NFASC: variants seen among roughly 807,000 people sequenced by gnomAD.
NFASC encodes the protein neurofascin.
NFASC carries 43 observed loss-of-function variants against 147.5 expected under a neutral mutation model. The observed-to-expected ratio is 0.29, with a 90% confidence interval of 0.23 to 0.38. The LOEUF (loss-of-function observed/expected upper bound fraction) is 0.38, where lower values mean the gene tolerates loss of function less well. Ranked by LOEUF, NFASC falls within the 10% of genes least tolerant of loss-of-function variation. The pLI is 1.00. For missense variants in NFASC, 1,320 were observed against 1,689.0 expected (o/e 0.78, Z 3.83); for synonymous variants, 622 against 665.5 (o/e 0.93, Z 1.01).
intron 23 of NFASC, among the ~76,000 whole-genome samples, 156 bp from the exon 24 acceptor site, chr1:204,991,136 G>C (rs1292191985): frequency 2.0e-5 from 3 of 152,254 alleles, no homozygotes; most frequent in Non-Finnish European, 4.4e-5. Flanking sequence ...GCATCCTCAG[G>C]CCAGCAGCCA....
intron 1 of NFASC, among the ~76,000 whole-genome samples, chr1:204,870,341 G>A (rs2102988116): frequency 6.6e-6 from 1 of 152,336 alleles, no homozygotes; most frequent in African/African-American, 2.4e-5. Context: ...CTGTGCGGGA[G>A]CCATTGTCCT....
intron 27 of NFASC, 110 bp downstream of exon 27, chr1:205,002,858 A>C: frequency 1.2e-6 from 1 of 828,774 alleles, no homozygotes; most frequent in South Asian, 3.6e-5. Context: ...CCCCCACCCC[A>C]TTTCCCACCT....
intron 20 of NFASC, 145 bp downstream of exon 20, chr1:204,980,585 C>T: frequency 1.5e-6 from 1 of 645,674 alleles, no homozygotes; most frequent in Non-Finnish European, 2.7e-6. Flanking sequence ...CTTTGAGAAA[C>T]CAAGCTCCTC....
At chr1:204,874,883 G>A (rs2078448526) in intron 1 of NFASC, among the ~76,000 whole-genome samples, 1 of 152,166 alleles carries the variant, frequency 6.6e-6, no homozygotes, top group Non-Finnish European at 1.5e-5. Flanking sequence ...GTGGGGGCAG[G>A]TGGCATCATA....
At chr1:204,964,326 G>T (rs2094835073) in intron 8 of NFASC, among the ~76,000 whole-genome samples, 1 of 152,240 alleles carries the variant, frequency 6.6e-6, no homozygotes, top group Admixed American at 6.5e-5. Flanking sequence ...GGTTTTAAAG[G>T]GAATGGTTTA....
At chr1:205,009,317 G>C in intron 27 of NFASC, 1 of 651,758 alleles carries the variant, frequency 1.5e-6, no homozygotes, top group Non-Finnish European at 2.8e-6. Flanking sequence ...TCAACCTTCT[G>C]CTTATTTGCT....
At position 204,970,596 on chromosome 1, in the gene NFASC, G is replaced by C; in HGVS notation, c.1004-20G>C. On this transcript the variant is annotated intron_variant, in intron 10 of 29. Transcript: ENST00000339876. Reference sequence around the variant, plus strand: ...CCCATGCCATCTAACTCCCCTGCCTGTGTCTGTCTTGTCTTCCAGCTGCTC... The same window carrying C: ...CCCATGCCATCTAACTCCCCTGCCTCTGTCTGTCTTGTCTTCCAGCTGCTC... 2 of 1,613,362 alleles carry C rather than the reference G, an allele frequency of 1.2e-6. No individual in the cohort carries two copies. The highest frequency in any genetic ancestry group is 1.7e-6 in the Non-Finnish European group (2 of 1,179,998).
intron 1 of NFASC, among the ~76,000 whole-genome samples, chr1:204,880,311 C>T (rs753847326): frequency 1.3e-5 from 2 of 152,002 alleles, no homozygotes; most frequent in African/African-American, 2.4e-5. Context: ...TAGCAATTGG[C>T]ATTTTAATGT....
chr1:205,009,695 T>C lies in NFASC; in HGVS notation c.3421+7T>C. On this transcript the variant is annotated splice_region_variant and intron_variant, in intron 28 of 29. Coordinates refer to ENST00000339876, the MANE Select transcript of NFASC (RefSeq NM_001005388.3). ...CGCGGCGGCAAGTACCCAGGTGAGATGTGCAAGAGGCGTGGGCTTGCAGGG... is the reference window on the plus strand; with the variant it reads ...CGCGGCGGCAAGTACCCAGGTGAGACGTGCAAGAGGCGTGGGCTTGCAGGG... 2 of 1,613,528 alleles carry C rather than the reference T, an allele frequency of 1.2e-6. No homozygotes were observed. Among genetic ancestry groups the C allele is most frequent in the Non-Finnish European group, 1.7e-6 (2 of 1,179,780 alleles).
At chr1:204,977,192 T>C in intron 16 of NFASC, 1 of 923,522 alleles carries the variant, frequency 1.1e-6, no homozygotes. Flanking sequence ...CCAGCCTTCC[T>C]TTCCCTCCCG....
chr1:204,863,888 A>G (rs1006914406), intron 1 of NFASC, among the ~76,000 whole-genome samples: 15 of 150,994 alleles, frequency 9.9e-5, no homozygotes, highest in African/African-American at 3.2e-4. Context: ...AAAGAAAAGG[A>G]AGGAAGGAAG....
intron 2 of NFASC, among the ~76,000 whole-genome samples, chr1:204,932,241 T>C (rs2092426715): frequency 6.6e-6 from 1 of 152,226 alleles, no homozygotes; most frequent in African/African-American, 2.4e-5. Context: ...AACAGCTTTA[T>C]GTTCCTGTGC....
rs1416703854 is a variant in NFASC, at chr1:204,877,024, ATATAATATATATT to A, written c.-199-43603_-199-43591del. Among the ~76,000 whole-genome samples, 249 of 99,660 alleles carry A rather than the reference ATATAATATATATT, an allele frequency of 2.5e-3. 4 individuals are homozygous for A. Among genetic ancestry groups the A allele is most frequent in the African/African-American group, 0.013 (232 of 18,252 alleles). The allele number at this position is 99,660 out of a possible 152,430, so 65.4% of individuals were successfully genotyped here. The stretch of plus-strand genomic sequence containing the variant: ...TATATATATATATATATATATATAT[ATATAATATATATT>A]TATATATATATAATATATTTATTTA... On this transcript the variant is annotated intron_variant, in intron 1 of 29. Coordinates refer to ENST00000339876, the MANE Select transcript of NFASC (RefSeq NM_001005388.3).
rs753976926 is a variant in NFASC at position 204,979,021 on chromosome 1, G to T, written c.1930G>T (p.Val644Leu). The T allele has an allele frequency of 1.3e-6, 2 of 1,565,312 alleles. No individual in the cohort carries two copies. Among genetic ancestry groups the T allele is most frequent in the Non-Finnish European group, 8.7e-7 (1 of 1,153,958 alleles). The change falls in exon 18 of 30, where the codon GTG becomes TTG. Residue 644 changes from valine to leucine, a missense_variant. By Grantham distance (32) the Val-to-Leu change is conservative. This residue lies in a region of NFASC where 981 missense variants were observed against 1,289.5 expected (regional missense o/e 0.76). Coordinates refer to ENST00000339876, the MANE Select transcript of NFASC (RefSeq NM_001005388.3). This position sits in a 1 kb window ranked among gnomAD's most constrained non-coding sequence, Gnocchi z 6.0. ...LELTDLAERS[V>L]RLTWIPGDAN... is the part of the protein sequence containing the mutation. ...GCTGACCGACCTGGCCGAGAGGAGC[G>T]TGCGGCTGACCTGGATCCCCGGGGA...
intron 2 of NFASC, among the ~76,000 whole-genome samples, chr1:204,943,378 TC>T (rs2093492181): frequency 6.6e-6 from 1 of 152,102 alleles, no homozygotes; most frequent in East Asian, 1.9e-4. Flanking sequence ...TTTAACACCA[TC>T]CCTGTAAGCC....
Position 204,987,593 on chromosome 1 carries a change from T to G in NFASC, c.2593+53T>G, listed in dbSNP as rs2150580033. On this transcript the variant is annotated intron_variant, in intron 22 of 29. Transcript: ENST00000339876. This position sits in a 1 kb window ranked among gnomAD's most constrained non-coding sequence, Gnocchi z 4.4. ...GATAATCTGGGAACCAGAAACCCCA[T>G]TCTCACCACTTTTCCTAAGGACTCA... The G allele has an allele frequency of 2.1e-5, 33 of 1,604,912 alleles. 3 individuals are homozygous for G. In the South Asian group the frequency reaches 3.6e-4, roughly 18 times the overall value.
chr1:204,940,168 C>G (rs1375503035), intron 2 of NFASC, among the ~76,000 whole-genome samples: 1 of 152,140 alleles, frequency 6.6e-6, no homozygotes, highest in East Asian at 1.9e-4. Context: ...GTGCACAGCT[C>G]AAAGCCGGGC....
intron 1 of NFASC, among the ~76,000 whole-genome samples, chr1:204,833,782 C>T (rs1170632734): frequency 1.3e-5 from 2 of 152,186 alleles, no homozygotes; most frequent in African/African-American, 2.4e-5. Flanking sequence ...TGACATGGCA[C>T]AGTAGAAACC....
intron 2 of NFASC, among the ~76,000 whole-genome samples, chr1:204,937,561 C>A (rs1377224114): frequency 6.6e-6 from 1 of 152,168 alleles, no homozygotes; most frequent in Non-Finnish European, 1.5e-5. Context: ...CAGTGTGCAG[C>A]CTTTTCAGAC....
Sources: gnomAD v4.1 joint callset for allele counts (sites outside exome capture counted in the v4.1 genomes callset) on GRCh38, gnomAD v4.1.1 for gene constraint, gnomAD v4.1.1 regional missense constraint, Gnocchi (gnomAD v3.1) non-coding constraint, MANE v1.5 for transcripts, NCBI Gene and HGNC (gene_info 2026-07-23, HGNC 2026-07-21) for gene names.